Variants in DLG5 observed in about 807,000 individuals in gnomAD.
The protein encoded by DLG5 is disks large homolog 5.
DLG5 carries 48 observed loss-of-function variants against 189.8 expected under a neutral mutation model. The ratio of observed to expected loss-of-function variants is 0.25; its 90% CI spans 0.20 to 0.32. DLG5 has a LOEUF of 0.32. Among genes scored for constraint, DLG5 ranks in the 10% least tolerant of loss-of-function variants. The pLI, the probability that DLG5 is intolerant of heterozygous loss-of-function variation, is 1.00. For synonymous variants in DLG5, 1,016 were observed against 1,054.1 expected (o/e 0.96, Z 0.70); for missense variants, 2,160 against 2,544.7 (o/e 0.85, Z 3.25).
intron 2 of DLG5, among the ~76,000 whole-genome samples, chr10:77,857,429 C>A (rs1013398280): frequency 1.3e-5 from 2 of 152,238 alleles, no homozygotes; most frequent in South Asian, 4.1e-4. Context: ...TGCACGGCTC[C>A]CTTTTTGCAA....
At chr10:77,931,012 G>T (rs1342530216), upstream of DLG5, among the ~76,000 whole-genome samples, 1 of 151,558 alleles carries the variant, frequency 6.6e-6, no homozygotes, top group Admixed American at 6.6e-5. Context: ...TAGAGACGGG[G>T]TTTCTCCATG....
chr10:77,906,467 CCTCA>C (rs1035289716), intron 1 of DLG5, among the ~76,000 whole-genome samples: 1 of 152,148 alleles, frequency 6.6e-6, no homozygotes, highest in African/African-American at 2.4e-5. Context: ...CACTGTGAGG[CCTCA>C]CTTTCTTGAA....
intron 1 of DLG5, among the ~76,000 whole-genome samples, chr10:77,875,825 A>G (rs1227697779): frequency 6.6e-6 from 1 of 151,880 alleles, no homozygotes; most frequent in African/African-American, 2.4e-5. Context: ...GAAAAAAAAA[A>G]GAAAAGAAAA....
At chr10:77,835,981 G>A (rs1035473927) in intron 7 of DLG5, 59 bp from the exon 8 acceptor site, 57 of 1,552,688 alleles carry the variant, frequency 3.7e-5, no homozygotes, top group Middle Eastern at 1.7e-4. Context: ...GACCAGGAGC[G>A]CCTCCCACCA....
At chr10:77,874,071 G>A (rs1217619003) in intron 1 of DLG5, among the ~76,000 whole-genome samples, 1 of 152,230 alleles carries the variant, frequency 6.6e-6, no homozygotes, top group Non-Finnish European at 1.5e-5. Flanking sequence ...ACACGTGTCA[G>A]CCAGGTTTCC....
chr10:77,867,862 T>C (rs971277332), intron 2 of DLG5: 14 of 447,790 alleles, frequency 3.1e-5, no homozygotes, highest in African/African-American at 2.8e-4. Context: ...CAATTTAAGA[T>C]GAGGTCTTGC....
At chr10:77,828,599 C>T (rs981337130) in intron 13 of DLG5, among the ~76,000 whole-genome samples, 4 of 150,558 alleles carry the variant, frequency 2.7e-5, no homozygotes, top group Non-Finnish European at 4.4e-5. Flanking sequence ...GCTGGGATTG[C>T]GTCACTGCAC....
intron 13 of DLG5, among the ~76,000 whole-genome samples, chr10:77,827,366 C>A (rs1261554381): frequency 6.6e-6 from 1 of 152,088 alleles, no homozygotes; most frequent in Admixed American, 6.6e-5. Flanking sequence ...GCTGGGATTA[C>A]AGGCACCCAC....
Position 77,793,555 on chromosome 10 carries a change from GTT to G in DLG5, c.5656+451_5656+452del, listed in dbSNP as rs11285867. On this transcript the variant is annotated intron_variant, in intron 31 of 31. Coordinates refer to ENST00000372391, the MANE Select transcript of DLG5 (RefSeq NM_004747.4). ...ATTGTTTTTTTTTGTTTTGTTTTTT[GTT>G]TTTTTTTTTTTGGAGGGGGGTTTGC... 207 of 141,340 alleles carry G rather than the reference GTT, an allele frequency of 1.5e-3. 3 individuals are homozygous for G. Among genetic ancestry groups the G allele is most frequent in the African/African-American group, 4.0e-3 (152 of 37,588 alleles). 8.8% of individuals were successfully genotyped at this position (141,340 alleles called of 1,614,324 possible).
intron 5 of DLG5, among the ~76,000 whole-genome samples, chr10:77,846,047 C>A (rs1159558307): frequency 6.6e-6 from 1 of 151,048 alleles, no homozygotes; most frequent in Non-Finnish European, 1.5e-5. Flanking sequence ...GAGTTTGAGA[C>A]CAGCCTGACC....
rs933722910 is a variant in DLG5 at position 77,926,413 on chromosome 10, G to A, written c.108C>T (p.Leu36=). Residue 36 remains leucine (L), a synonymous_variant, in exon 1 of 32, where the codon CTC becomes CTT. Coordinates refer to ENST00000372391, the MANE Select transcript of DLG5 (RefSeq NM_004747.4). The surrounding 1 kb of genome is among the most constrained non-coding windows in gnomAD (Gnocchi z 5.2). ...VLGLLEAAGA[L]SPGERRQLDE... ...CCAGCTGCCGCCGCTCGCCGGGACT[G>A]AGCGCTCCCGCGGCCTCGAGCAGCC... 5.7e-6 allele frequency: 9 copies of A among 1,582,468 alleles called. No individual in the cohort carries two copies. The highest frequency in any genetic ancestry group is 5.1e-6 in the Non-Finnish European group (6 of 1,166,862).
chr10:77,816,040 C>T, intron 20 of DLG5: 1 of 449,656 alleles, frequency 2.2e-6, no homozygotes, highest in Non-Finnish European at 4.5e-6. Flanking sequence ...TGCTTTCTTC[C>T]TGTGTATATT....
chr10:77,891,330 A>G lies in DLG5; in HGVS notation c.305-22133T>C, dbSNP rs150027305. Among the ~76,000 whole-genome samples, 229 of 152,180 alleles carry G rather than the reference A, an allele frequency of 1.5e-3. 2 individuals carry two copies. The highest frequency in any genetic ancestry group is 5.4e-3 in the African/African-American group (224 of 41,512). ...ATTTATGTGCCGCAAGGAGCTCCCA[A>G]TTTTCATTTTGCACTGGGCCTGCAA... On this transcript the variant is annotated intron_variant, in intron 1 of 31. Transcript: ENST00000372391.
intron 31 of DLG5, chr10:77,792,842 C>T (rs532830583): frequency 5.7e-5 from 23 of 406,122 alleles, no homozygotes; most frequent in Non-Finnish European, 8.5e-5. Flanking sequence ...GGACATGTGG[C>T]GGTGGTCTAA....
At chr10:77,908,103 G>A (rs1469334332) in intron 1 of DLG5, among the ~76,000 whole-genome samples, 1 of 151,956 alleles carries the variant, frequency 6.6e-6, no homozygotes, top group African/African-American at 2.4e-5. Flanking sequence ...GAAAGCAGAG[G>A]TACCCTCAGC....
intron 9 of DLG5, among the ~76,000 whole-genome samples, chr10:77,832,291 C>A (rs1013381436): frequency 6.6e-6 from 1 of 152,226 alleles, no homozygotes; most frequent in Non-Finnish European, 1.5e-5. Flanking sequence ...TCAGAAGCCT[C>A]GTTATATCCT....
intron 13 of DLG5, among the ~76,000 whole-genome samples, chr10:77,825,132 G>A (rs1331559599): frequency 6.6e-6 from 1 of 152,082 alleles, no homozygotes; most frequent in Non-Finnish European, 1.5e-5. Context: ...GGCATGGTGC[G>A]GAATCAAAAC....
chr10:77,830,435 G>A (rs1362506141), intron 10 of DLG5, 91 bp from the exon 11 acceptor site: 7 of 1,573,586 alleles, frequency 4.4e-6, no homozygotes, highest in Middle Eastern at 1.7e-4. Flanking sequence ...CTCCAATGTG[G>A]GGGACTGTCC....
At position 77,838,237 on chromosome 10, in the gene DLG5, G is replaced by A. The variant is rs142196643; in HGVS notation, c.1438-2315C>T. ...CATGGGGGGCTGCCCTTCTACAGAC[G>A]GAACTCGGTGAGCAGGGCCCGTCTA... On this transcript the variant is annotated intron_variant, in intron 7 of 31. Transcript: ENST00000372391. Among the ~76,000 whole-genome samples, 436 of 152,320 alleles carry A rather than the reference G, an allele frequency of 2.9e-3. 3 individuals are homozygous for A. Among genetic ancestry groups the A allele is most frequent in the African/African-American group, 0.01 (420 of 41,566 alleles).
Sources: allele counts gnomAD v4.1 joint callset (sites outside exome capture counted in the v4.1 genomes callset), GRCh38; gene constraint gnomAD v4.1.1; non-coding constraint Gnocchi (gnomAD v3.1); transcripts MANE v1.5; gene names NCBI Gene and HGNC (gene_info 2026-07-23, HGNC 2026-07-21).